Variants in TUBA3D observed in about 807,000 individuals in gnomAD.
TUBA3D encodes tubulin alpha 3d.
Under a neutral mutation model 36.1 loss-of-function variants are expected in TUBA3D, and 24 were observed. That is an observed-to-expected ratio of 0.66 (90% CI 0.48 to 0.93). TUBA3D has a LOEUF of 0.93. Ranked by LOEUF, TUBA3D falls within the 40% of genes least tolerant of loss-of-function variation. The pLI is 0.00. For synonymous variants in TUBA3D, 185 were observed against 247.2 expected, an observed-to-expected ratio of 0.75 and a Z score of 2.36; for missense variants, 356 against 614.5, an observed-to-expected ratio of 0.58 and a Z score of 4.45.
intron 2 of TUBA3D, among the ~76,000 whole-genome samples, chr2:131,478,943 C>T (rs1678760091): frequency 6.6e-6 from 1 of 152,184 alleles, no homozygotes; most frequent in South Asian, 2.1e-4. Context: ...CTGCAGAAGT[C>T]ACACTGACCT....
chr2:131,476,566 G>A (rs1402927114), intron 1 of TUBA3D, among the ~76,000 whole-genome samples: 1 of 152,198 alleles, frequency 6.6e-6, no homozygotes, highest in East Asian at 1.9e-4. Flanking sequence ...GGTGACGGGG[G>A]TTGGGGCTGT....
intron 4 of TUBA3D, among the ~76,000 whole-genome samples, chr2:131,481,143 A>T (rs1678849857): frequency 6.6e-6 from 1 of 152,000 alleles, no homozygotes; most frequent in Non-Finnish European, 1.5e-5. Context: ...ACCTCAGGTG[A>T]TCTGCCTGCC....
chr2:131,478,185 G>A lies in TUBA3D; in HGVS notation c.25G>A (p.Val9Met), dbSNP rs772996766. Residue 9 changes from valine to methionine, a missense_variant, in exon 2 of 5, where the codon GTG becomes ATG. Transcript: ENST00000321253. The stretch of plus-strand genomic sequence containing the variant: ...ACAGCGCGAGTGTATCTCTATCCAC[G>A]TGGGGCAGGCGGGTGTCCAGATCGG... The part of the protein sequence containing the change: MRECISIH[V>M]GQAGVQIGNA... 1.4e-5 allele frequency: 23 copies of A among 1,613,502 alleles called. No individual in the cohort carries two copies. Among genetic ancestry groups the A allele is most frequent in the Non-Finnish European group, 1.9e-5 (22 of 1,179,750 alleles).
chr2:131,482,503 T>C (rs1678895064), intron 4 of TUBA3D, 49 bp from the exon 5 acceptor site: 3 of 1,546,108 alleles, frequency 1.9e-6, no homozygotes, highest in African/African-American at 2.7e-5. Context: ...CTACCATTTC[T>C]AGGTTTGATA....
intron 2 of TUBA3D, 94 bp from the exon 3 acceptor site, chr2:131,479,214 G>A: frequency 6.6e-7 from 1 of 1,526,120 alleles, no homozygotes; most frequent in Non-Finnish European, 8.8e-7. Flanking sequence ...ACTTTGAACA[G>A]CATGTGCTCT....
Position 131,482,701 on chromosome 2 carries a change from G to T in TUBA3D, c.1206G>T (p.Arg402=), listed in dbSNP as rs2104728866. 3 of 1,614,218 alleles carry T rather than the reference G, an allele frequency of 1.9e-6. No individual in the cohort carries two copies. Among genetic ancestry groups the T allele is most frequent in the Non-Finnish European group, 2.5e-6 (3 of 1,180,044 alleles). Reference sequence around the variant, plus strand: ...AGTTCGATCTCATGTATGCCAAGCGGGCCTTTGTGCACTGGTACGTGGGCG... The same window carrying T: ...AGTTCGATCTCATGTATGCCAAGCGTGCCTTTGTGCACTGGTACGTGGGCG... The part of the protein sequence containing the change: ...DHKFDLMYAK[R]AFVHWYVGEG... Residue 402 remains arginine, a synonymous_variant, in exon 5 of 5, where the codon CGG becomes CGT. Coordinates refer to ENST00000321253, the MANE Select transcript of TUBA3D (RefSeq NM_080386.4).
intron 4 of TUBA3D, 98 bp downstream of exon 4, chr2:131,480,847 T>G (rs547755344): frequency 6.6e-7 from 1 of 1,505,584 alleles, no homozygotes; most frequent in Non-Finnish European, 9.0e-7. Flanking sequence ...TTATCCCTGT[T>G]CCATGGGCTA....
rs1228163620 is a variant in TUBA3D, at chr2:131,482,436, G to A, written c.1057-116G>A. 1.3e-5 allele frequency: 19 copies of A among 1,451,522 alleles called. No homozygotes were observed. In the South Asian group the frequency reaches 1.4e-4, roughly 11 times the overall value. 89.9% of individuals were successfully genotyped at this position (1,451,522 alleles called of 1,614,324 possible). A position where few individuals can be genotyped will look rare whatever the true frequency, so the allele number is the denominator to read the frequency against. ...AGAAGGGCTTAGTGACGTTTGTGAG[G>A]TGAACTGAGCATTCTCCGTGTCACC... On this transcript the variant is annotated intron_variant, in intron 4 of 4. Transcript: ENST00000321253.
intron 1 of TUBA3D, among the ~76,000 whole-genome samples, chr2:131,477,037 C>CTTTTCTTTTT (rs1559345885): frequency 7.4e-5 from 8 of 108,706 alleles, no homozygotes; most frequent in African/African-American, 5.4e-4. Flanking sequence ...CTTTTTCTTT[C>CTTTTCTTTTT]TTTTTTTTTT....
At chr2:131,481,758 G>T (rs1464486682) in intron 4 of TUBA3D, among the ~76,000 whole-genome samples, 1 of 152,134 alleles carries the variant, frequency 6.6e-6, no homozygotes, top group Non-Finnish European at 1.5e-5. Flanking sequence ...AGTAGAGATG[G>T]GGTTTCGCCA....
Position 131,479,326 on chromosome 2 carries a change from C to A in TUBA3D, c.245C>A (p.Thr82Asn). The A allele has an allele frequency of 1.2e-6, 2 of 1,614,012 alleles. No homozygotes were observed. The highest frequency in any genetic ancestry group is 8.5e-7 in the Non-Finnish European group (1 of 1,179,960). Residue 82 changes from threonine (T) to asparagine (N), a missense_variant, in exon 3 of 5, where the codon ACC (threonine) becomes AAC (asparagine). By Grantham distance (65) the Thr-to-Asn change is moderately conservative. Around this residue, in one of 3 missense-constraint regions of TUBA3D, gnomAD observed 109 missense variants for 153.7 expected, o/e 0.71. Transcript: ENST00000321253. ...PTVVDEVRTGTYRQLFHPEQL... is the reference protein window; with the variant it reads ...PTVVDEVRTGNYRQLFHPEQL... Reference sequence around the variant, plus strand: ...TTTGCAGATGAAGTGCGCACAGGGACCTACAGGCAGCTCTTCCACCCGGAG... The same window carrying A: ...TTTGCAGATGAAGTGCGCACAGGGAACTACAGGCAGCTCTTCCACCCGGAG...
chr2:131,478,285 T>A lies in TUBA3D; in HGVS notation c.125T>A (p.Ile42Asn), dbSNP rs138444379. The change falls in exon 2 of 5, where the codon ATT becomes AAT. Residue 42 changes from isoleucine to asparagine, a missense_variant. Ile to Asn is a moderately radical substitution (Grantham distance 149). Transcript: ENST00000321253. ...GGCCAAATGCCAAGTGATAAAACCATTGGTGGCGGGGACGACTCCTTCAAC... is the reference window on the plus strand; with the variant it reads ...GGCCAAATGCCAAGTGATAAAACCAATGGTGGCGGGGACGACTCCTTCAAC... The part of the protein sequence containing the change: ...PDGQMPSDKT[I>N]GGGDDSFNTF... 6.2e-7 allele frequency: 1 copy of A among 1,614,008 alleles called. No homozygotes were observed. The highest frequency in any genetic ancestry group is 1.3e-5 in the African/African-American group (1 of 75,032).
At chr2:131,482,023 C>T (rs997228837) in intron 4 of TUBA3D, among the ~76,000 whole-genome samples, 1 of 152,244 alleles carries the variant, frequency 6.6e-6, no homozygotes, top group Admixed American at 6.5e-5. Flanking sequence ...CTTAGGCAGG[C>T]ACATGGACCA....
chr2:131,480,736 C>G lies in TUBA3D; in HGVS notation c.1043C>G (p.Pro348Arg). ...ACCATCCAGTTTGTGGATTGGTGCCCGACTGGATTTAAGGTATGACTGGGT... is the reference window on the plus strand; with the variant it reads ...ACCATCCAGTTTGTGGATTGGTGCCGGACTGGATTTAAGGTATGACTGGGT... ...KRTIQFVDWC[P>R]TGFKVGINYQ... Residue 348 changes from proline (P) to arginine (R), a missense_variant, in exon 4 of 5, where the codon CCG becomes CGG. Physicochemically the swap from Pro to Arg is moderately radical, Grantham distance 103 (BLOSUM62 -2). Around this residue, in one of 3 missense-constraint regions of TUBA3D, gnomAD observed 156 missense variants for 219.8 expected, o/e 0.71. Transcript: ENST00000321253. 1 of 1,611,070 alleles carries G rather than the reference C, an allele frequency of 6.2e-7. No individual in the cohort carries two copies. The highest frequency in any genetic ancestry group is 1.7e-5 in the Admixed American group (1 of 59,938).
At chr2:131,478,108 T>C (rs1678735710) in intron 1 of TUBA3D, 56 bp from the exon 2 acceptor site, 26 of 1,580,976 alleles carry the variant, frequency 1.6e-5, no homozygotes, top group East Asian at 2.2e-5. Context: ...TTGCATGCCA[T>C]ATAGTTTCAA....
rs768432260 is a variant in TUBA3D, at chr2:131,480,324, G to A, written c.631G>A (p.Asp211Asn). 6.2e-7 allele frequency: 1 copy of A among 1,612,732 alleles called. No individual in the cohort carries two copies. The stretch of plus-strand genomic sequence containing the variant: ...CATGGTCGACAATGAAGCCATCTAT[G>A]ACATATGTCGGCGCAACCTGGACAT... ...AFMVDNEAIY[D>N]ICRRNLDIER... The change falls in exon 4 of 5, where the codon GAC becomes AAC. Residue 211 changes from aspartate to asparagine, a missense_variant. Physicochemically the swap from Asp to Asn is conservative, Grantham distance 23. Transcript: ENST00000321253.
intron 4 of TUBA3D, among the ~76,000 whole-genome samples, chr2:131,481,833 T>C (rs1316725062): frequency 2.6e-5 from 4 of 152,234 alleles, no homozygotes; most frequent in African/African-American, 4.8e-5. Flanking sequence ...CCCAAAGTGC[T>C]GGGGTCACAG....
Position 131,480,248 on chromosome 2 carries a change from CA to C in TUBA3D, c.557del (p.Asn186ThrfsTer4). On this transcript the variant is annotated frameshift_variant, in exon 4 of 5. Transcript: ENST00000321253. LOFTEE classifies it high-confidence loss of function. ...QVSTAVVEPY[N>X]SILTTHTTLE... ...TCTCCACAGCCGTGGTGGAGCCCTA[CA>C]ACTCCATCCTGACCACCCACACGAC... 2 of 1,614,036 alleles carry C rather than the reference CA, an allele frequency of 1.2e-6. No individual in the cohort carries two copies. Among genetic ancestry groups the C allele is most frequent in the Non-Finnish European group, 1.7e-6 (2 of 1,180,046 alleles).
chr2:131,478,548 T>A (rs1345268721), intron 2 of TUBA3D, among the ~76,000 whole-genome samples, 162 bp downstream of exon 2: 6 of 152,260 alleles, frequency 3.9e-5, no homozygotes, highest in Non-Finnish European at 8.8e-5. Flanking sequence ...GTGATCAAAG[T>A]GTCTGTGAGA....
Sources: gnomAD v4.1 joint callset for allele counts (sites outside exome capture counted in the v4.1 genomes callset) on GRCh38, gnomAD v4.1.1 for gene constraint, gnomAD v4.1.1 regional missense constraint, MANE v1.5 for transcripts, NCBI Gene and HGNC (gene_info 2026-07-23, HGNC 2026-07-21) for gene names.